The following ST7 variants were observed in gnomAD, a reference collection of about 807,000 sequenced individuals.
ST7 encodes the protein suppressor of tumorigenicity 7 protein.
Under a neutral mutation model 78.7 loss-of-function variants are expected in ST7, and 28 were observed. That is an observed-to-expected ratio of 0.36 (90% CI 0.26 to 0.49). The LOEUF is 0.49. Ranked by LOEUF, ST7 falls within the 20% of genes least tolerant of loss-of-function variation. ST7 has a pLI of 0.99. For synonymous variants in ST7, 247 were observed against 249.6 expected (o/e 0.99, Z 0.10); for missense variants, 418 against 696.0 (o/e 0.60, Z 4.49).
chr7:117,095,832 CCGAGGTGGG>C (rs1173129212), intron 1 of ST7, among the ~76,000 whole-genome samples: 1 of 151,898 alleles, frequency 6.6e-6, no homozygotes, highest in African/African-American at 2.4e-5. Flanking sequence ...ATTTGGGAGG[CCGAGGTGGG>C]CGGATCACCT....
intron 12 of ST7, among the ~76,000 whole-genome samples, chr7:117,194,505 T>C (rs1810101186): frequency 6.6e-6 from 1 of 152,254 alleles, no homozygotes; most frequent in Non-Finnish European, 1.5e-5. Context: ...TTGTACTTGC[T>C]ATTTACCTTT....
intron 15 of ST7, chr7:117,223,560 A>G (rs1363930410): frequency 6.5e-6 from 1 of 154,276 alleles, no homozygotes; most frequent in Non-Finnish European, 1.4e-5. Context: ...GCTCTCGCAC[A>G]CCTCTGCACC....
At chr7:117,192,051 G>A (rs1172414630) in intron 12 of ST7, among the ~76,000 whole-genome samples, 1 of 152,178 alleles carries the variant, frequency 6.6e-6, no homozygotes, top group Non-Finnish European at 1.5e-5. Context: ...GCATAAGGAT[G>A]TATATATTCC....
At chr7:117,047,318 G>A (rs956519638) in intron 1 of ST7, among the ~76,000 whole-genome samples, 1 of 152,170 alleles carries the variant, frequency 6.6e-6, no homozygotes, top group African/African-American at 2.4e-5. Flanking sequence ...AGAGGAAACA[G>A]AACCTGGGAA....
At chr7:117,191,147 A>G (rs1233658605) in intron 12 of ST7, among the ~76,000 whole-genome samples, 1 of 152,222 alleles carries the variant, frequency 6.6e-6, no homozygotes, top group Non-Finnish European at 1.5e-5. Flanking sequence ...TTCACTTAAT[A>G]AGGGTAAATC....
At chr7:117,152,360 T>C (rs936554418) in intron 9 of ST7, among the ~76,000 whole-genome samples, 1 of 151,518 alleles carries the variant, frequency 6.6e-6, no homozygotes, top group Non-Finnish European at 1.5e-5. Flanking sequence ...TTTAATTACA[T>C]AAGGCTACTG....
intron 12 of ST7, among the ~76,000 whole-genome samples, chr7:117,196,408 G>A (rs1810308954): frequency 6.6e-6 from 1 of 152,098 alleles, no homozygotes; most frequent in African/African-American, 2.4e-5. Flanking sequence ...AAGGGTTCCA[G>A]TTTTTCCACA....
At chr7:116,998,447 G>T (rs1035236340) in intron 1 of ST7, among the ~76,000 whole-genome samples, 2 of 152,218 alleles carry the variant, frequency 1.3e-5, no homozygotes, top group Admixed American at 1.3e-4. Context: ...GGGCTCCCAC[G>T]GTGCAGCGGC....
chr7:117,220,911 G>A (rs138513957), intron 14 of ST7, among the ~76,000 whole-genome samples: 1 of 152,252 alleles, frequency 6.6e-6, no homozygotes, highest in African/African-American at 2.4e-5. Context: ...TACTGTTGAA[G>A]ACTCTGAGGA....
intron 2 of ST7, among the ~76,000 whole-genome samples, chr7:117,106,386 T>C (rs1237264457): frequency 6.6e-6 from 1 of 152,116 alleles, no homozygotes; most frequent in Non-Finnish European, 1.5e-5. Context: ...TTAATATTCT[T>C]TTTTTTCTTT....
intron 15 of ST7, among the ~76,000 whole-genome samples, chr7:117,228,245 T>C (rs970727428): frequency 1.3e-5 from 2 of 152,186 alleles, no homozygotes; most frequent in African/African-American, 4.8e-5. Context: ...CCTTTTCCAA[T>C]CCCAGTGCTT....
intron 13 of ST7, among the ~76,000 whole-genome samples, chr7:117,210,485 C>T (rs545122345): frequency 1.1e-4 from 17 of 152,114 alleles, no homozygotes; most frequent in Admixed American, 2.0e-4. Context: ...TAGATGAATG[C>T]GGGCTTGTTC....
At chr7:116,994,784 G>A (rs1331667363) in intron 1 of ST7, among the ~76,000 whole-genome samples, 3 of 152,224 alleles carry the variant, frequency 2.0e-5, no homozygotes, top group Non-Finnish European at 4.4e-5. Context: ...GGAACATGAA[G>A]TGCTAACAGT....
At chr7:117,044,815 T>C (rs986154778) in intron 1 of ST7, among the ~76,000 whole-genome samples, 1 of 152,178 alleles carries the variant, frequency 6.6e-6, no homozygotes, top group Non-Finnish European at 1.5e-5. Context: ...AATTCATATC[T>C]CTAGTCTAGA....
chr7:117,031,401 TATATACGC>T (rs1473321020), intron 1 of ST7, among the ~76,000 whole-genome samples: 1 of 59,850 alleles, frequency 1.7e-5, no homozygotes, highest in African/African-American at 4.0e-5. Flanking sequence ...TATATGTGCA[TATATACGC>T]ATATATGTGT....
intron 1 of ST7, among the ~76,000 whole-genome samples, chr7:117,057,175 A>T (rs1246704484): frequency 6.6e-6 from 1 of 152,204 alleles, no homozygotes; most frequent in African/African-American, 2.4e-5. Flanking sequence ...AGGTTTTCAT[A>T]TACATACTTA....
At chr7:117,175,418 G>A (rs1159132755) in intron 10 of ST7, among the ~76,000 whole-genome samples, 1 of 152,172 alleles carries the variant, frequency 6.6e-6, no homozygotes, top group Non-Finnish European at 1.5e-5. Flanking sequence ...TGTCATTTGT[G>A]CATTTCAATT....
chr7:116,983,434 A>G (rs1304880434), intron 1 of ST7, among the ~76,000 whole-genome samples: 2 of 152,104 alleles, frequency 1.3e-5, no homozygotes, highest in African/African-American at 4.8e-5. Flanking sequence ...CTCTGATATC[A>G]CATGCTTGGG....
chr7:117,020,769 C>A, intron 1 of ST7: 1 of 1,277,632 alleles, frequency 7.8e-7, no homozygotes, highest in Non-Finnish European at 1.1e-6. Context: ...GAATTGGTCT[C>A]AGGGAAGGAA....
Sources: allele counts gnomAD v4.1 joint callset (sites outside exome capture counted in the v4.1 genomes callset), GRCh38; gene constraint gnomAD v4.1.1; transcripts MANE v1.5; gene names NCBI Gene and HGNC (gene_info 2026-07-23, HGNC 2026-07-21).